B3GALT1: variants seen among roughly 807,000 people sequenced by gnomAD.
B3GALT1 encodes the protein UDP-Gal:betaGlcNAc beta 1,3-galactosyltransferase, polypeptide 1.
B3GALT1 carries 10 observed loss-of-function variants against 23.2 expected under a neutral mutation model. That is an observed-to-expected ratio of 0.43 (90% confidence interval 0.27 to 0.73). The LOEUF (loss-of-function observed/expected upper bound fraction) is 0.73, where lower values mean the gene tolerates loss of function less well. Ranked by LOEUF, B3GALT1 falls within the 30% of genes least tolerant of loss-of-function variation. The pLI is 0.21. For missense variants in B3GALT1, 299 were observed against 405.4 expected, an observed-to-expected ratio of 0.74 and a Z score of 2.25; for synonymous variants, 156 against 141.5, an observed-to-expected ratio of 1.10 and a Z score of -0.73.
At chr2:167,341,316 T>C (rs1241196556) in intron 1 of B3GALT1, among the ~76,000 whole-genome samples, 1 of 152,206 alleles carries the variant, frequency 6.6e-6, no homozygotes, top group Non-Finnish European at 1.5e-5. Context: ...GCACTTCAAA[T>C]ATTTGTTTGC....
chr2:167,404,800 C>T (rs575835728), intron 1 of B3GALT1, among the ~76,000 whole-genome samples: 62 of 152,234 alleles, frequency 4.1e-4, no homozygotes, highest in Admixed American at 1.6e-3. Flanking sequence ...GAATGAATGC[C>T]TCCTGGCACT....
In B3GALT1 at chr2:167,819,267, ACTT is replaced by A. The variant is rs538026851; in HGVS notation, c.-230+478_-230+480del. 1.2e-4 allele frequency among the ~76,000 whole-genome samples: 19 copies of A among 152,316 alleles called. No individual in the cohort carries two copies. The East Asian group carries it at 3.5e-3, about 28-fold the overall frequency. ...AGGCCATCACTAATTGATTCTTGAA[ACTT>A]CTTTGCTGAAGTAAACTCATCCCAC... On this transcript the variant is annotated intron_variant, in intron 4 of 4. Transcript: ENST00000392690.
chr2:167,859,739 A>G (rs1323816818), intron 4 of B3GALT1, among the ~76,000 whole-genome samples: 1 of 152,134 alleles, frequency 6.6e-6, no homozygotes, highest in Non-Finnish European at 1.5e-5. Flanking sequence ...AAGTTCAATT[A>G]TGGGGTCTCT....
intron 1 of B3GALT1, among the ~76,000 whole-genome samples, chr2:167,461,340 G>A (rs1203074258): frequency 6.6e-6 from 1 of 152,172 alleles, no homozygotes; most frequent in Non-Finnish European, 1.5e-5. Flanking sequence ...CCCTCTAAAA[G>A]TTTCAAACCT....
At chr2:167,406,076 T>A (rs946840864) in intron 1 of B3GALT1, among the ~76,000 whole-genome samples, 3 of 152,126 alleles carry the variant, frequency 2.0e-5, no homozygotes, top group African/African-American at 7.2e-5. Flanking sequence ...AGTAATCATT[T>A]AAAATGGGCA....
At chr2:167,382,291 G>GT (rs1395508581) in intron 1 of B3GALT1, among the ~76,000 whole-genome samples, 3 of 146,976 alleles carry the variant, frequency 2.0e-5, no homozygotes, top group Non-Finnish European at 4.4e-5. Context: ...TGCTTTCTAA[G>GT]TTTTTTTCTC....
intron 3 of B3GALT1, among the ~76,000 whole-genome samples, chr2:167,719,940 A>T (rs1687205362): frequency 6.6e-6 from 1 of 152,064 alleles, no homozygotes; most frequent in African/African-American, 2.4e-5. Context: ...TCAAAAAAAA[A>T]AAAAGAAAGT....
intron 1 of B3GALT1, among the ~76,000 whole-genome samples, chr2:167,466,345 C>T (rs1037083236): frequency 3.3e-5 from 5 of 151,938 alleles, no homozygotes; most frequent in Non-Finnish European, 5.9e-5. Flanking sequence ...AGGCCGGGCG[C>T]GGTGGCTCAC....
intron 1 of B3GALT1, among the ~76,000 whole-genome samples, chr2:167,370,776 A>G (rs1437506634): frequency 6.6e-6 from 1 of 152,152 alleles, no homozygotes; most frequent in Non-Finnish European, 1.5e-5. Flanking sequence ...AATACAAAAA[A>G]TTAGCCGGGC....
chr2:167,404,933 G>A (rs1698250180), intron 1 of B3GALT1, among the ~76,000 whole-genome samples: 1 of 152,084 alleles, frequency 6.6e-6, no homozygotes, highest in South Asian at 2.1e-4. Flanking sequence ...ACATACATAG[G>A]TAATTTATAA....
intron 2 of B3GALT1, among the ~76,000 whole-genome samples, chr2:167,542,014 G>A (rs1683540852): frequency 6.6e-6 from 1 of 152,030 alleles, no homozygotes; most frequent in Non-Finnish European, 1.5e-5. Flanking sequence ...GGGATATTTT[G>A]AAAAGACATT....
intron 3 of B3GALT1, among the ~76,000 whole-genome samples, chr2:167,767,343 A>G (rs754204690): frequency 1.3e-5 from 2 of 152,134 alleles, no homozygotes; most frequent in Non-Finnish European, 2.9e-5. Context: ...TAAACTGCTC[A>G]TTTCTTTGCG....
chr2:167,567,028 C>T (rs761834965), intron 2 of B3GALT1, among the ~76,000 whole-genome samples: 2 of 152,158 alleles, frequency 1.3e-5, no homozygotes, highest in Non-Finnish European at 2.9e-5. Context: ...ACATTTTTAA[C>T]AAGCTCTTTG....
chr2:167,402,352 T>C (rs917257365), intron 1 of B3GALT1, among the ~76,000 whole-genome samples: 1 of 152,118 alleles, frequency 6.6e-6, no homozygotes, highest in Admixed American at 6.6e-5. Context: ...CATATTTTTT[T>C]AAGTCAAAAT....
intron 4 of B3GALT1, among the ~76,000 whole-genome samples, chr2:167,862,551 G>A (rs1199871696): frequency 6.6e-6 from 1 of 152,128 alleles, no homozygotes; most frequent in African/African-American, 2.4e-5. Flanking sequence ...GACACACCCA[G>A]AAGTAATGTT....
chr2:167,645,759 T>A (rs1315064957), intron 2 of B3GALT1, among the ~76,000 whole-genome samples: 1 of 151,808 alleles, frequency 6.6e-6, no homozygotes, highest in Admixed American at 6.6e-5. Context: ...TTAGTAGAGA[T>A]GAGGTTTCAC....
intron 3 of B3GALT1, among the ~76,000 whole-genome samples, chr2:167,776,718 T>G (rs1413118640): frequency 6.6e-6 from 1 of 152,208 alleles, no homozygotes; most frequent in Non-Finnish European, 1.5e-5. Flanking sequence ...AATGGGAACT[T>G]ATATAACTTC....
chr2:167,557,531 G>A (rs745435174), intron 2 of B3GALT1, among the ~76,000 whole-genome samples: 7 of 152,138 alleles, frequency 4.6e-5, no homozygotes, highest in Non-Finnish European at 7.3e-5. Context: ...AGGACACAGG[G>A]CAACCCTCGT....
chr2:167,385,285 C>G (rs1697909747), intron 1 of B3GALT1, among the ~76,000 whole-genome samples: 2 of 152,180 alleles, frequency 1.3e-5, no homozygotes, highest in South Asian at 4.1e-4. Context: ...TGCCCACATT[C>G]TGCTTCCCCA....
Sources: allele counts gnomAD v4.1 joint callset (sites outside exome capture counted in the v4.1 genomes callset), GRCh38; gene constraint gnomAD v4.1.1; transcripts MANE v1.5; gene names NCBI Gene and HGNC (gene_info 2026-07-23, HGNC 2026-07-21).